SLC44A3: variants seen among roughly 807,000 people sequenced by gnomAD.
The protein encoded by SLC44A3 is choline transporter-like protein 3.
SLC44A3 carries 74 observed loss-of-function variants against 75.4 expected under a neutral mutation model. The observed-to-expected ratio is 0.98, with a 90% CI of 0.81 to 1.19. The LOEUF (loss-of-function observed/expected upper bound fraction) is 1.19, where lower values mean the gene tolerates loss of function less well. SLC44A3 is among the 50% of genes most tolerant of loss of function. The pLI is 0.00. For missense variants in SLC44A3, 700 were observed against 778.6 expected (o/e 0.90, Z 1.20); for synonymous variants, 310 against 296.9 (o/e 1.04, Z -0.45).
At chr1:94,824,212 T>C (rs1660990005) in intron 2 of SLC44A3, among the ~76,000 whole-genome samples, 1 of 151,868 alleles carries the variant, frequency 6.6e-6, no homozygotes, top group Non-Finnish European at 1.5e-5. Context: ...AGAAAAATGA[T>C]AGACTCTTAA....
chr1:94,838,143 A>G (rs1230264856), intron 6 of SLC44A3, among the ~76,000 whole-genome samples: 1 of 152,202 alleles, frequency 6.6e-6, no homozygotes, highest in Non-Finnish European at 1.5e-5. Flanking sequence ...TGGGTATATA[A>G]AGCAGATTGC....
intron 12 of SLC44A3, 106 bp from the exon 13 acceptor site, chr1:94,891,024 G>A (rs1670146699): frequency 6.7e-6 from 6 of 900,702 alleles, no homozygotes; most frequent in Non-Finnish European, 9.9e-6. Flanking sequence ...TGGGTAGAGA[G>A]AGTAGGTTTA....
At chr1:94,874,380 A>C (rs553130562) in intron 12 of SLC44A3, among the ~76,000 whole-genome samples, 19 of 152,302 alleles carry the variant, frequency 1.2e-4, no homozygotes, top group Admixed American at 2.6e-4. Flanking sequence ...CAGGAGGGTG[A>C]GGCCCAAAGC....
At chr1:94,877,889 G>A (rs6659359) in intron 12 of SLC44A3, among the ~76,000 whole-genome samples, 1,596 of 152,074 alleles carry the variant, frequency 0.01, 22 homozygotes, top group African/African-American at 0.036. Context: ...GTGGAGAGGG[G>A]TGCTCTGGGT....
At chr1:94,823,524 T>A (rs757591156) in intron 2 of SLC44A3, among the ~76,000 whole-genome samples, 11 of 152,226 alleles carry the variant, frequency 7.2e-5, no homozygotes, top group Non-Finnish European at 1.6e-4. Flanking sequence ...TAGGTTCTGG[T>A]CATTCCTGTG....
chr1:94,886,939 C>T (rs1201175313), intron 12 of SLC44A3, among the ~76,000 whole-genome samples: 1 of 152,042 alleles, frequency 6.6e-6, no homozygotes, highest in African/African-American at 2.4e-5. Flanking sequence ...GAAATATCCA[C>T]CCACCTGTTT....
intron 9 of SLC44A3, among the ~76,000 whole-genome samples, chr1:94,850,708 G>A (rs1398926951): frequency 6.6e-6 from 1 of 152,186 alleles, no homozygotes; most frequent in East Asian, 1.9e-4. Flanking sequence ...ATGTTAGGAG[G>A]CTGAGATGAG....
chr1:94,870,482 T>TGTGAC (rs1368073524), intron 12 of SLC44A3, among the ~76,000 whole-genome samples: 2 of 152,168 alleles, frequency 1.3e-5, no homozygotes, highest in Non-Finnish European at 2.9e-5. Flanking sequence ...GGAATCTTGG[T>TGTGAC]CACTGGGAGA....
intron 10 of SLC44A3, 113 bp from the exon 11 acceptor site, chr1:94,864,630 C>T: frequency 8.9e-7 from 1 of 1,121,428 alleles, no homozygotes; most frequent in Non-Finnish European, 1.2e-6. Flanking sequence ...TCGCCAAATG[C>T]TTATTATGTC....
At chr1:94,823,436 A>T (rs1660889282) in intron 2 of SLC44A3, among the ~76,000 whole-genome samples, 1 of 152,172 alleles carries the variant, frequency 6.6e-6, no homozygotes, top group South Asian at 2.1e-4. Context: ...GGGAAAGGAC[A>T]GGGAGCCTCC....
At chr1:94,879,695 T>A (rs1179930969) in intron 12 of SLC44A3, among the ~76,000 whole-genome samples, 1 of 149,170 alleles carries the variant, frequency 6.7e-6, no homozygotes, top group Non-Finnish European at 1.5e-5. Context: ...AAAAATTAGT[T>A]GGGTGTGGTG....
intron 2 of SLC44A3, among the ~76,000 whole-genome samples, chr1:94,824,058 T>A (rs1329607281): frequency 1.4e-5 from 2 of 147,940 alleles, no homozygotes; most frequent in Non-Finnish European, 1.5e-5. Flanking sequence ...CAGAATCCCT[T>A]AAAAGTAAGA....
At chr1:94,839,803 G>A in intron 6 of SLC44A3, 145 bp from the exon 7 acceptor site, 1 of 673,256 alleles carries the variant, frequency 1.5e-6, no homozygotes, top group Non-Finnish European at 2.7e-6. Context: ...TTTATTTAGT[G>A]TTTAGTAGAT....
At chr1:94,893,709 G>A (rs1219978642) in intron 14 of SLC44A3, among the ~76,000 whole-genome samples, 1 of 151,964 alleles carries the variant, frequency 6.6e-6, no homozygotes, top group Non-Finnish European at 1.5e-5. Flanking sequence ...CTTGTTTATT[G>A]ACTTATTTGT....
rs1056583003 is a variant in SLC44A3, at chr1:94,881,559, C to G, written c.1483-9571C>G. On this transcript the variant is annotated intron_variant, in intron 12 of 14. Coordinates refer to ENST00000271227, the MANE Select transcript of SLC44A3 (RefSeq NM_001114106.3). ...CTCTACTAAAAATACAAAAAATTAG[C>G]CAGGCATGGTGGCGGGTGCCTGTAG... Among the ~76,000 whole-genome samples the G allele has an allele frequency of 2.1e-5, 3 of 143,920 alleles. No individual in the cohort carries two copies. The Admixed American group carries it at 2.1e-4, about 10-fold the overall frequency. 94.4% of individuals were successfully genotyped at this position (143,920 alleles called of 152,430 possible).
At position 94,854,769 on chromosome 1, in the gene SLC44A3, G is replaced by A. The variant is rs960159509; in HGVS notation, c.1073-2566G>A. On this transcript the variant is annotated intron_variant, in intron 9 of 14. Transcript: ENST00000271227. The stretch of plus-strand genomic sequence containing the variant: ...TGCCCCTGATATGGCATTTGGCAAT[G>A]TGTGGACACATTTTTGGGTTGTCGT... Among the ~76,000 whole-genome samples the A allele has an allele frequency of 3.3e-4, 49 of 146,764 alleles. 1 individual carries two copies. Among genetic ancestry groups the A allele is most frequent in the African/African-American group, 1.1e-3 (45 of 40,090 alleles).
chr1:94,837,808 C>G lies in SLC44A3; in HGVS notation c.607C>G (p.Arg203Gly), dbSNP rs200195622. ...VLINDVDTLH[R>G]ILSGIMSGRD... ...GATAAATGATGTTGACACCCTCCAC[C>G]GAATTCTAAGTGGAATCATGTCGGG... The change falls in exon 6 of 15, where the codon CGA (arginine) becomes GGA (glycine). Residue 203 changes from arginine to glycine, a missense_variant. Physicochemically the swap from Arg to Gly is moderately radical, Grantham distance 125 (BLOSUM62 -2). Coordinates refer to ENST00000271227, the MANE Select transcript of SLC44A3 (RefSeq NM_001114106.3). The G allele has an allele frequency of 6.2e-7, 1 of 1,612,770 alleles. No individual in the cohort carries two copies.
At chr1:94,881,394 G>GTCA (rs1668953951) in intron 12 of SLC44A3, among the ~76,000 whole-genome samples, 1 of 152,212 alleles carries the variant, frequency 6.6e-6, no homozygotes, top group Non-Finnish European at 1.5e-5. Flanking sequence ...TCAAATCAGA[G>GTCA]AAGGTTGACA....
In SLC44A3 at chr1:94,828,470, A is replaced by T. The variant is rs761655206; in HGVS notation, c.416-23A>T. 78 of 1,599,434 alleles carry T rather than the reference A, an allele frequency of 4.9e-5. 1 individual carries two copies. The South Asian group carries it at 8.6e-4, about 18-fold the overall frequency. On this transcript the variant is annotated intron_variant, in intron 4 of 14. Coordinates refer to ENST00000271227, the MANE Select transcript of SLC44A3 (RefSeq NM_001114106.3). ...CTGACTCACCTGGAAAGAAGGTATA[A>T]TGTCTGTGTGTTCTGCTTCCAGGGT... is the stretch of plus-strand genomic sequence containing the variant.
Sources: gnomAD v4.1 joint callset for allele counts (sites outside exome capture counted in the v4.1 genomes callset) on GRCh38, gnomAD v4.1.1 for gene constraint, MANE v1.5 for transcripts, NCBI Gene and HGNC (gene_info 2026-07-23, HGNC 2026-07-21) for gene names.